ZNF532: variants seen among roughly 807,000 people sequenced by gnomAD.
The protein encoded by ZNF532 is zinc finger protein 532.
Under a neutral mutation model 89.3 loss-of-function variants are expected in ZNF532, and 22 were observed. The observed-to-expected ratio is 0.25, with a 90% CI of 0.18 to 0.35. The LOEUF is 0.35. ZNF532 is among the 10% of genes least tolerant of loss of function. ZNF532 has a pLI of 1.00. For synonymous variants in ZNF532, 606 were observed against 649.6 expected, an observed-to-expected ratio of 0.93 and a Z score of 1.02; for missense variants, 1,132 against 1,643.4, an observed-to-expected ratio of 0.69 and a Z score of 5.38.
intron 3 of ZNF532, among the ~76,000 whole-genome samples, chr18:58,933,553 T>C (rs1329585068): frequency 1.3e-5 from 2 of 152,180 alleles, no homozygotes; most frequent in Non-Finnish European, 2.9e-5. Context: ...TGTCTGAAAG[T>C]ATTTAAACAC....
At chr18:58,898,684 G>T (rs772305774) in intron 2 of ZNF532, among the ~76,000 whole-genome samples, 1 of 152,196 alleles carries the variant, frequency 6.6e-6, no homozygotes, top group Non-Finnish European at 1.5e-5. Flanking sequence ...TCCATCTAGG[G>T]TGATTTTATC....
chr18:58,941,468 C>CTT (rs71302776), intron 5 of ZNF532, among the ~76,000 whole-genome samples: 10,700 of 114,876 alleles, frequency 0.093, 834 homozygotes, highest in Middle Eastern at 0.16. Context: ...CTCTCTCTCT[C>CTT]TTTTTTTTTT....
chr18:58,872,698 CTTT>C (rs146289274), intron 2 of ZNF532, among the ~76,000 whole-genome samples: 3 of 138,542 alleles, frequency 2.2e-5, no homozygotes, highest in Non-Finnish European at 1.6e-5. Context: ...CAACATTTAT[CTTT>C]TTTTTTTTTT....
chr18:58,981,403 C>A, intron 8 of ZNF532, 67 bp from the exon 9 acceptor site: 2 of 1,568,334 alleles, frequency 1.3e-6, no homozygotes, highest in Non-Finnish European at 1.7e-6. Context: ...GACCTTCGAC[C>A]GTGAGTTCTT....
chr18:58,975,445 AACAGAAAGG>A (rs1228304243), intron 7 of ZNF532, among the ~76,000 whole-genome samples: 3 of 152,216 alleles, frequency 2.0e-5, no homozygotes, highest in Non-Finnish European at 4.4e-5. Flanking sequence ...TAAGCACAGA[AACAGAAAGG>A]ACAAGTTATT....
intron 2 of ZNF532, among the ~76,000 whole-genome samples, chr18:58,903,530 T>A (rs1466735513): frequency 1.3e-5 from 2 of 151,878 alleles, no homozygotes; most frequent in African/African-American, 2.4e-5. Flanking sequence ...GGTGAGATGG[T>A]CAAAATAGAG....
At chr18:58,901,957 AC>A (rs1333325356) in intron 2 of ZNF532, among the ~76,000 whole-genome samples, 1 of 152,098 alleles carries the variant, frequency 6.6e-6, no homozygotes, top group Non-Finnish European at 1.5e-5. Flanking sequence ...AGGAGTAGAC[AC>A]CTTAACAGCA....
intron 5 of ZNF532, among the ~76,000 whole-genome samples, chr18:58,943,643 A>T (rs531072790): frequency 6.6e-6 from 1 of 151,966 alleles, no homozygotes; most frequent in East Asian, 1.9e-4. Flanking sequence ...TTGTATTTTT[A>T]GTAGAGATGA....
At chr18:58,936,112 G>A (rs770746368) in intron 4 of ZNF532, among the ~76,000 whole-genome samples, 3 of 152,136 alleles carry the variant, frequency 2.0e-5, no homozygotes, top group African/African-American at 4.8e-5. Context: ...TTTCTTGTAC[G>A]ACTTCTGCCA....
intron 5 of ZNF532, among the ~76,000 whole-genome samples, chr18:58,940,963 TTC>T (rs140521782): frequency 0.24 from 25,220 of 104,636 alleles, 2,324 homozygotes; most frequent in Middle Eastern, 0.35. Flanking sequence ...CACACACTCT[TTC>T]TCTCTCTCTC....
intron 5 of ZNF532, among the ~76,000 whole-genome samples, chr18:58,947,433 CAA>C (rs2146894291): frequency 1.3e-5 from 2 of 152,282 alleles, no homozygotes; most frequent in South Asian, 4.1e-4. Context: ...TTGTAGGAGA[CAA>C]GTGAATATTT....
At chr18:58,892,644 G>C (rs552762267) in intron 2 of ZNF532, among the ~76,000 whole-genome samples, 5 of 152,336 alleles carry the variant, frequency 3.3e-5, no homozygotes, top group African/African-American at 1.2e-4. Flanking sequence ...GCAGCCTGTC[G>C]TCTAAATAAA....
At chr18:58,955,162 C>T (rs370178218) in intron 7 of ZNF532, among the ~76,000 whole-genome samples, 1 of 152,152 alleles carries the variant, frequency 6.6e-6, no homozygotes, top group African/African-American at 2.4e-5. Flanking sequence ...GAGGCGGAGG[C>T]AGGAGGATTA....
chr18:58,918,537 C>G lies in ZNF532; in HGVS notation c.250C>G (p.Pro84Ala), dbSNP rs373528133. The stretch of plus-strand genomic sequence containing the variant: ...GGGCGGGGAGAAAGACGGCCACAAC[C>G]CCACTGGCAATGGCTTACATAATGG... The part of the protein sequence containing the change: ...SEGGEKDGHN[P>A]TGNGLHNGFL... Residue 84 changes from proline to alanine, a missense_variant, in exon 3 of 10, where the codon CCC becomes GCC. Physicochemically the swap from Pro to Ala is conservative, Grantham distance 27. Coordinates refer to ENST00000591808, the MANE Select transcript of ZNF532 (RefSeq NM_001375912.1). 23 of 1,614,172 alleles carry G rather than the reference C, an allele frequency of 1.4e-5. No individual in the cohort carries two copies. Among genetic ancestry groups the G allele is most frequent in the Non-Finnish European group, 1.9e-5 (23 of 1,180,034 alleles).
chr18:58,889,444 T>C lies in ZNF532; in HGVS notation c.-18+23865T>C, dbSNP rs141587851. Among the ~76,000 whole-genome samples the C allele has an allele frequency of 2.1e-3, 315 of 152,368 alleles. 3 individuals are homozygous for C. The highest frequency in any genetic ancestry group is 6.5e-3 in the Admixed American group (100 of 15,304). ...ACAGTTAGTAAGAAAACAGCACTTA[T>C]ATTAACTTGTACTTTCTACTTAAAA... is the stretch of plus-strand genomic sequence containing the variant. On this transcript the variant is annotated intron_variant, in intron 2 of 9. Coordinates refer to ENST00000591808, the MANE Select transcript of ZNF532 (RefSeq NM_001375912.1).
At chr18:58,868,942 T>C (rs11876147) in intron 2 of ZNF532, among the ~76,000 whole-genome samples, 4,093 of 152,332 alleles carry the variant, frequency 0.027, 194 homozygotes, top group African/African-American at 0.093. Flanking sequence ...CTATATGGTG[T>C]AGCCCATTGC....
chr18:58,981,596 A>G lies in ZNF532; in HGVS notation c.3390A>G (p.Thr1130=). 1 of 1,614,196 alleles carries G rather than the reference A, an allele frequency of 6.2e-7. No homozygotes were observed. Among genetic ancestry groups the G allele is most frequent in the Admixed American group, 1.7e-5 (1 of 60,032 alleles). Reference sequence around the variant, plus strand: ...CAGATGCCACCAATGAGGAGGAAACAGAAATAAAAGAAGACACTAAGGTCT... The same window carrying G: ...CAGATGCCACCAATGAGGAGGAAACGGAAATAAAAGAAGACACTAAGGTCT... ...EMTDATNEEE[T]EIKEDTKVPS... is the part of the protein sequence containing the mutation. The change falls in exon 9 of 10, where the codon ACA becomes ACG. Residue 1130 remains threonine (T), a synonymous_variant. Transcript: ENST00000591808.
intron 7 of ZNF532, chr18:58,964,325 A>G (rs556837565): frequency 6.6e-6 from 1 of 152,302 alleles, no homozygotes; most frequent in Admixed American, 6.5e-5. Flanking sequence ...TCAAGGTTTT[A>G]GGAGAAATAT....
intron 7 of ZNF532, among the ~76,000 whole-genome samples, chr18:58,965,114 T>A (rs1297911148): frequency 6.6e-6 from 1 of 152,040 alleles, no homozygotes; most frequent in Non-Finnish European, 1.5e-5. Context: ...CTCCACTTGA[T>A]TTAATAAGAA....
Sources: gnomAD v4.1 joint callset for allele counts (sites outside exome capture counted in the v4.1 genomes callset) on GRCh38, gnomAD v4.1.1 for gene constraint, MANE v1.5 for transcripts, NCBI Gene and HGNC (gene_info 2026-07-23, HGNC 2026-07-21) for gene names.